ZNF713: variants seen among roughly 807,000 people sequenced by gnomAD.
The protein encoded by ZNF713 is zinc finger protein 713.
In ZNF713, 21 loss-of-function variants were observed where a neutral mutation model predicts 28.7. The observed-to-expected ratio is 0.73, with a 90% CI of 0.52 to 1.05. ZNF713 has a LOEUF of 1.05. Among genes scored for constraint, ZNF713 ranks in the 50% least tolerant of loss-of-function variants. The pLI is 0.00. For missense variants in ZNF713, 458 were observed against 532.4 expected, an observed-to-expected ratio of 0.86 and a Z score of 1.37; for synonymous variants, 167 against 178.0, an observed-to-expected ratio of 0.94 and a Z score of 0.49.
intron 1 of ZNF713, among the ~76,000 whole-genome samples, chr7:55,893,699 C>T (rs528897167): frequency 6.6e-6 from 1 of 152,250 alleles, no homozygotes; most frequent in East Asian, 1.9e-4. Flanking sequence ...TGTGCCTCAG[C>T]CTCCCGAGTA....
intron 6 of ZNF713, among the ~76,000 whole-genome samples, chr7:55,933,546 C>T (rs1584319347): frequency 6.6e-6 from 1 of 152,100 alleles, no homozygotes; most frequent in Admixed American, 6.6e-5. Flanking sequence ...ATCCACCCAA[C>T]TCGGCCTCCC....
In ZNF713 at chr7:55,931,361, T is replaced by G. The variant is rs139347237; in HGVS notation, c.308-7621T>G. On this transcript the variant is annotated intron_variant, in intron 6 of 6. Coordinates refer to ENST00000429591, the MANE Select transcript of ZNF713 (RefSeq NM_182633.3). ...ACTGTGTCTGATGAACTCTGACATTTTCTGTCTTTTTTTAGCATATTCTGT... is the reference window on the plus strand; with the variant it reads ...ACTGTGTCTGATGAACTCTGACATTGTCTGTCTTTTTTTAGCATATTCTGT... Among the ~76,000 whole-genome samples, 31 of 152,320 alleles carry G rather than the reference T, an allele frequency of 2.0e-4. No individual in the cohort carries two copies. In the East Asian group the frequency reaches 5.6e-3, roughly 27 times the overall value.
In ZNF713 at chr7:55,939,466, G is replaced by A. The variant is rs1285762530; in HGVS notation, c.792G>A (p.Gly264=). 6.2e-7 allele frequency: 1 copy of A among 1,614,068 alleles called. No individual in the cohort carries two copies. The highest frequency in any genetic ancestry group is 1.1e-5 in the South Asian group (1 of 91,072). Reference sequence around the variant, plus strand: ...CTGCAGAGAAACCCAGTGAGTGTGGGAAGGCCTTCAGCCACACCTCATCTC... The same window carrying A: ...CTGCAGAGAAACCCAGTGAGTGTGGAAAGGCCTTCAGCCACACCTCATCTC... ...IHTAEKPSEC[G]KAFSHTSSLS... is the part of the protein sequence containing the mutation. The change falls in exon 7 of 7, where the codon GGG becomes GGA. Residue 264 remains glycine (G), a synonymous_variant. Transcript: ENST00000429591.
At chr7:55,899,196 A>G (rs2116180773) in intron 1 of ZNF713, among the ~76,000 whole-genome samples, 1 of 151,818 alleles carries the variant, frequency 6.6e-6, no homozygotes, top group Non-Finnish European at 1.5e-5. Context: ...TACTAAAACT[A>G]CAAAAAATTA....
intron 1 of ZNF713, among the ~76,000 whole-genome samples, chr7:55,892,306 C>CATG (rs1785395764): frequency 8.6e-6 from 1 of 116,170 alleles, no homozygotes; most frequent in Non-Finnish European, 1.7e-5. Flanking sequence ...AAAAAAAAAC[C>CATG]CCAGGAACAA....
Position 55,902,989 on chromosome 7 carries a change from G to A in ZNF713, c.-582-3264G>A, listed in dbSNP as rs552701996. On this transcript the variant is annotated intron_variant, in intron 1 of 6. Coordinates refer to ENST00000429591, the MANE Select transcript of ZNF713 (RefSeq NM_182633.3). ...GCCTGGACAACAAGAGCAAAACTCC[G>A]TCTCAAAAAAAAAAAAAAAAAAAAA... 8.6e-3 allele frequency among the ~76,000 whole-genome samples: 493 copies of A among 57,272 alleles called. 2 individuals carry two copies. Among genetic ancestry groups the A allele is most frequent in the Middle Eastern group, 0.036 (3 of 84 alleles). 37.6% of individuals were successfully genotyped at this position (57,272 alleles called of 152,430 possible).
intron 1 of ZNF713, among the ~76,000 whole-genome samples, chr7:55,896,810 G>A (rs2116174298): frequency 6.6e-6 from 1 of 152,136 alleles, no homozygotes; most frequent in African/African-American, 2.4e-5. Flanking sequence ...AGGGCACTTT[G>A]GAGAAACGGT....
chr7:55,923,826 G>A lies in ZNF713; in HGVS notation c.307+127G>A. On this transcript the variant is annotated intron_variant, in intron 6 of 6. Transcript: ENST00000429591. ...ATACTAAGCCTTTTGAAAAAAATCA[G>A]TTCATATTTTATATTTTTCTGAATT... The A allele has an allele frequency of 1.0e-5, 6 of 598,110 alleles. No homozygotes were observed. The South Asian group carries it at 1.6e-4, about 16-fold the overall frequency. 37.1% of individuals were successfully genotyped at this position (598,110 alleles called of 1,614,324 possible). A position where few individuals can be genotyped will look rare whatever the true frequency, so the allele number is the denominator to read the frequency against.
chr7:55,921,534 T>C (rs770284341), intron 4 of ZNF713, among the ~76,000 whole-genome samples: 22 of 152,172 alleles, frequency 1.4e-4, no homozygotes, highest in Admixed American at 5.9e-4. Flanking sequence ...TTGGAAGAAG[T>C]TGATTCCAAC....
chr7:55,901,876 T>C (rs1055421173), intron 1 of ZNF713, among the ~76,000 whole-genome samples: 1 of 152,252 alleles, frequency 6.6e-6, no homozygotes, highest in African/African-American at 2.4e-5. Context: ...TAGTTTGCTG[T>C]ATCAACTTAT....
chr7:55,892,671 G>T (rs1415513493), intron 1 of ZNF713, among the ~76,000 whole-genome samples: 1 of 150,734 alleles, frequency 6.6e-6, no homozygotes, highest in Non-Finnish European at 1.5e-5. Flanking sequence ...TCGGGAGTTT[G>T]AGACCAGCCT....
At chr7:55,892,760 T>C (rs1785411014) in intron 1 of ZNF713, among the ~76,000 whole-genome samples, 1 of 149,020 alleles carries the variant, frequency 6.7e-6, no homozygotes, top group African/African-American at 2.5e-5. Context: ...TAATCCCAGC[T>C]ACTCGGGAGG....
At chr7:55,895,900 T>C (rs1034001466) in intron 1 of ZNF713, among the ~76,000 whole-genome samples, 2 of 152,212 alleles carry the variant, frequency 1.3e-5, no homozygotes, top group Non-Finnish European at 2.9e-5. Flanking sequence ...TTGAGTCATT[T>C]ACCCAACCAG....
intron 6 of ZNF713, among the ~76,000 whole-genome samples, chr7:55,933,619 G>C (rs1168499874): frequency 6.6e-6 from 1 of 151,900 alleles, no homozygotes; most frequent in East Asian, 1.9e-4. Flanking sequence ...TTTTATGCTT[G>C]AATTTACTTA....
At chr7:55,931,026 G>A (rs1786199089) in intron 6 of ZNF713, among the ~76,000 whole-genome samples, 1 of 152,146 alleles carries the variant, frequency 6.6e-6, no homozygotes, top group Non-Finnish European at 1.5e-5. Context: ...AGTGGTGCAT[G>A]CTTGTAATCC....
intron 4 of ZNF713, among the ~76,000 whole-genome samples, chr7:55,920,974 G>A (rs1345579908): frequency 1.3e-5 from 2 of 152,010 alleles, no homozygotes; most frequent in African/African-American, 2.4e-5. Flanking sequence ...CAGAAGACAG[G>A]CTGACTTCTT....
At chr7:55,919,443 G>A (rs1785942450) in intron 4 of ZNF713, among the ~76,000 whole-genome samples, 1 of 147,422 alleles carries the variant, frequency 6.8e-6, no homozygotes, top group African/African-American at 2.5e-5. Flanking sequence ...ATTTATGGGT[G>A]TGGCATTTGT....
chr7:55,936,642 A>T (rs1786353075), intron 6 of ZNF713, among the ~76,000 whole-genome samples: 1 of 152,110 alleles, frequency 6.6e-6, no homozygotes, highest in African/African-American at 2.4e-5. Flanking sequence ...CCAGGAAGAG[A>T]TGACTTAAAT....
chr7:55,912,610 A>C (rs1785805596), intron 3 of ZNF713, 25 bp from the exon 4 acceptor site: 1 of 1,542,644 alleles, frequency 6.5e-7, no homozygotes, highest in African/African-American at 1.4e-5. Flanking sequence ...GTCATATATT[A>C]ACAAGATGCT....
Sources: allele counts gnomAD v4.1 joint callset (sites outside exome capture counted in the v4.1 genomes callset), GRCh38; gene constraint gnomAD v4.1.1; transcripts MANE v1.5; gene names NCBI Gene and HGNC (gene_info 2026-07-23, HGNC 2026-07-21).